SLC6A19: variants seen among roughly 807,000 people sequenced by gnomAD.
SLC6A19 encodes the protein sodium-dependent neutral amino acid transporter B(0)AT1.
Under a neutral mutation model 68.3 loss-of-function variants are expected in SLC6A19, and 67 were observed. The ratio of observed to expected loss-of-function variants is 0.98; its 90% confidence interval spans 0.81 to 1.20. SLC6A19 has a LOEUF of 1.20. Ranked by LOEUF, SLC6A19 falls within the 50% of genes most tolerant of loss-of-function variation. The pLI is 0.00. For synonymous variants in SLC6A19, 392 were observed against 374.9 expected (o/e 1.05, Z -0.53); for missense variants, 813 against 851.6 (o/e 0.95, Z 0.56).
chr5:1,216,948 A>G lies in SLC6A19; in HGVS notation c.1173+3A>G. The G allele has an allele frequency of 1.2e-6, 2 of 1,612,510 alleles. No homozygotes were observed. The highest frequency in any genetic ancestry group is 1.7e-6 in the Non-Finnish European group (2 of 1,179,976). ...ACATCAACGCCTTCCTCTCAGAGGTAGGTCCATTCCGGAGCTCGAGGCAGG... is the reference window on the plus strand; with the variant it reads ...ACATCAACGCCTTCCTCTCAGAGGTGGGTCCATTCCGGAGCTCGAGGCAGG... On this transcript the variant is annotated splice_donor_region_variant and intron_variant, in intron 8 of 11. Transcript: ENST00000304460.
intron 1 of SLC6A19, among the ~76,000 whole-genome samples, chr5:1,202,469 A>T (rs934163737): frequency 6.6e-6 from 1 of 152,202 alleles, no homozygotes; most frequent in South Asian, 2.1e-4. Context: ...GCTGGCACAG[A>T]GGTGACATTT....
rs1174836133 is a variant in SLC6A19, at chr5:1,212,906, TG to T, written c.663+425del. Among the ~76,000 whole-genome samples, 3 of 151,998 alleles carry T rather than the reference TG, an allele frequency of 2.0e-5. 1 individual carries two copies. Among genetic ancestry groups the T allele is most frequent in the Non-Finnish European group, 4.4e-5 (3 of 67,970 alleles). On this transcript the variant is annotated intron_variant, in intron 4 of 11. Coordinates refer to ENST00000304460, the MANE Select transcript of SLC6A19 (RefSeq NM_001003841.3). The surrounding 1 kb of genome is among the most constrained non-coding windows in gnomAD (Gnocchi z 5.1). ...CAGAGCGGCCATCCCTTTCTTCTGG[TG>T]GGCCGGCAGCCTGTGAGGCCCTGTC...
Position 1,216,889 on chromosome 5 carries a change from G to A in SLC6A19, c.1117G>A (p.Ala373Thr), listed in dbSNP as rs775834401. The A allele has an allele frequency of 1.2e-4, 195 of 1,613,630 alleles. No homozygotes were observed. In the East Asian group the frequency reaches 1.8e-3, roughly 15 times the overall value. The change falls in exon 8 of 12, where the codon GCG becomes ACG. Residue 373 changes from alanine (A) to threonine (T), a missense_variant. Ala to Thr is a moderately conservative substitution (Grantham distance 58). Coordinates refer to ENST00000304460, the MANE Select transcript of SLC6A19 (RefSeq NM_001003841.3). ...MQQRCNASDP[A>T]AYAQLVFQTC... is the part of the protein sequence containing the mutation. Reference sequence around the variant, plus strand: ...GCAGCGGTGCAACGCCTCCGACCCCGCGGCCTACGCGCAGCTGGTGTTCCA... The same window carrying A: ...GCAGCGGTGCAACGCCTCCGACCCCACGGCCTACGCGCAGCTGGTGTTCCA...
Position 1,211,117 on chromosome 5 carries a change from A to G in SLC6A19, c.481+536A>G, listed in dbSNP as rs566631404. ...GTCCTGGGGCCTGAACGGCTTGGTC[A>G]CCACCGGCTTCTGGTCCGACCAGCA... On this transcript the variant is annotated intron_variant, in intron 3 of 11. Coordinates refer to ENST00000304460, the MANE Select transcript of SLC6A19 (RefSeq NM_001003841.3). Among the ~76,000 whole-genome samples, 12 of 152,276 alleles carry G rather than the reference A, an allele frequency of 7.9e-5. 1 individual carries two copies. In the South Asian group the frequency reaches 2.5e-3, roughly 32 times the overall value.
At chr5:1,213,791 G>A (rs978419057) in intron 5 of SLC6A19, among the ~76,000 whole-genome samples, 162 bp from the exon 6 acceptor site, 8 of 151,968 alleles carry the variant, frequency 5.3e-5, no homozygotes, top group South Asian at 2.1e-4. Context: ...GTGAGCCGAC[G>A]GAGCCCCCAC....
At chr5:1,206,298 G>A (rs1057355524) in intron 1 of SLC6A19, among the ~76,000 whole-genome samples, 216 of 139,580 alleles carry the variant, frequency 1.5e-3, no homozygotes, top group African/African-American at 7.0e-3. Context: ...CTCTGTTTCT[G>A]TCTGTGTGTG....
intron 1 of SLC6A19, among the ~76,000 whole-genome samples, chr5:1,203,917 GA>G (rs2126490893): frequency 6.6e-6 from 1 of 152,316 alleles, no homozygotes; most frequent in Non-Finnish European, 1.5e-5. Flanking sequence ...AGCTTTCAGG[GA>G]GGCAGCTGAA....
intron 1 of SLC6A19, among the ~76,000 whole-genome samples, chr5:1,204,948 C>A (rs1035138391): frequency 6.6e-6 from 1 of 152,246 alleles, no homozygotes; most frequent in Non-Finnish European, 1.5e-5. Flanking sequence ...TGCGTGAGAA[C>A]TGCAGCTCCC....
At chr5:1,219,240 C>G (rs554965595) in intron 9 of SLC6A19, 133 bp downstream of exon 9, 2 of 982,946 alleles carry the variant, frequency 2.0e-6, no homozygotes, top group Non-Finnish European at 3.1e-6. Flanking sequence ...TGTCCCCGGC[C>G]GTGCGTGCAG....
chr5:1,206,165 C>G (rs78468802), intron 1 of SLC6A19, among the ~76,000 whole-genome samples: 11,576 of 152,232 alleles, frequency 0.076, 503 homozygotes, highest in East Asian at 0.12. Context: ...GGAGAGGGAG[C>G]AGTGAGAGAG....
At chr5:1,207,716 C>G (rs1222314023) in intron 1 of SLC6A19, among the ~76,000 whole-genome samples, 1 of 152,246 alleles carries the variant, frequency 6.6e-6, no homozygotes, top group Non-Finnish European at 1.5e-5. Context: ...AGTTGAAACA[C>G]TAAACGTGGC....
At position 1,219,637 on chromosome 5, in the gene SLC6A19, C is replaced by T. The variant is rs757533736; in HGVS notation, c.1511C>T (p.Ser504Phe). ...LLIIAFCEMFSVVYVYGVDRF... is the reference protein window; with the variant it reads ...LLIIAFCEMFFVVYVYGVDRF... ...ATCATCGCCTTCTGCGAGATGTTCTCTGTGGTCTACGTGTACGGTGTGGAC... is the reference window on the plus strand; with the variant it reads ...ATCATCGCCTTCTGCGAGATGTTCTTTGTGGTCTACGTGTACGGTGTGGAC... Residue 504 changes from serine (S) to phenylalanine (F), a missense_variant, in exon 10 of 12, where the codon TCT becomes TTT. Physicochemically the swap from Ser to Phe is radical, Grantham distance 155. Transcript: ENST00000304460. 1.0e-5 allele frequency: 16 copies of T among 1,607,468 alleles called. No individual in the cohort carries two copies. The highest frequency in any genetic ancestry group is 1.3e-5 in the African/African-American group (1 of 74,944).
intron 1 of SLC6A19, among the ~76,000 whole-genome samples, chr5:1,202,427 T>C (rs143894135): frequency 1.5e-4 from 23 of 152,302 alleles, no homozygotes; most frequent in Non-Finnish European, 3.1e-4. Context: ...CTCGTTCCTC[T>C]GGCTCCTGCG....
intron 10 of SLC6A19, among the ~76,000 whole-genome samples, chr5:1,220,129 G>C (rs1561169599): frequency 6.6e-6 from 1 of 152,136 alleles, no homozygotes; most frequent in Non-Finnish European, 1.5e-5. Context: ...ATCAGACAAG[G>C]CCGGGCACGG....
intron 2 of SLC6A19, among the ~76,000 whole-genome samples, chr5:1,210,189 AGGAAGGTGTGAGCCG>A (rs974305343): frequency 6.6e-5 from 10 of 152,224 alleles, no homozygotes; most frequent in African/African-American, 2.4e-4. Flanking sequence ...GGCATGTGCC[AGGAAGGTGTGAGCCG>A]GGAAGGCGTG....
Position 1,212,470 on chromosome 5 carries a change from G to T in SLC6A19, c.649G>T (p.Glu217Ter). 6.2e-7 allele frequency: 1 copy of T among 1,607,762 alleles called. No homozygotes were observed. Among genetic ancestry groups the T allele is most frequent in the South Asian group, 1.1e-5 (1 of 91,064 alleles). The change falls in exon 4 of 12, where the codon GAG becomes TAG. Residue 217 changes from glutamate (E) to a stop codon, truncating the protein, a stop_gained. Coordinates refer to ENST00000304460, the MANE Select transcript of SLC6A19 (RefSeq NM_001003841.3). LOFTEE classifies it high-confidence loss of function. The surrounding 1 kb of genome is among the most constrained non-coding windows in gnomAD (Gnocchi z 5.1). The stretch of plus-strand genomic sequence containing the variant: ...GTACATGTGCACCATCCGCGGCATC[G>T]AGACCACCGGGAAGGTACTGCATGG... ...VLYMCTIRGI[E>*]TTGKAVYITS...
At position 1,210,546 on chromosome 5, in the gene SLC6A19, C is replaced by T. The variant is rs778015723; in HGVS notation, c.446C>T (p.Pro149Leu). ...TTCAACTCCTTCCAGGAGCCTCTGC[C>T]CTGGAGCGACTGCCCGCTCAACGAG... ...YLFNSFQEPLPWSDCPLNENQ... is the reference protein window; with the variant it reads ...YLFNSFQEPLLWSDCPLNENQ... The change falls in exon 3 of 12, where the codon CCC becomes CTC. Residue 149 changes from proline to leucine, a missense_variant. Transcript: ENST00000304460. 10 of 1,613,186 alleles carry T rather than the reference C, an allele frequency of 6.2e-6. No individual in the cohort carries two copies. In the South Asian group the frequency reaches 1.1e-4, roughly 18 times the overall value.
chr5:1,211,106 A>C (rs899164984), intron 3 of SLC6A19, among the ~76,000 whole-genome samples: 10 of 152,156 alleles, frequency 6.6e-5, no homozygotes, highest in African/African-American at 2.4e-4. Context: ...TGGGGCCTGA[A>C]CGGCTTGGTC....
chr5:1,219,624 T>G lies in SLC6A19; in HGVS notation c.1498T>G (p.Cys500Gly). Reference protein sequence around the residue: ...GSIPLLIIAFCEMFSVVYVYG... With the variant: ...GSIPLLIIAFGEMFSVVYVYG... ...CATTCCCCTGCTCATCATCGCCTTC[T>G]GCGAGATGTTCTCTGTGGTCTACGT... Residue 500 changes from cysteine to glycine, a missense_variant, in exon 10 of 12, where the codon TGC becomes GGC. Cys to Gly is a radical substitution (Grantham distance 159, BLOSUM62 -3). Transcript: ENST00000304460. 1 of 1,609,194 alleles carries G rather than the reference T, an allele frequency of 6.2e-7. No homozygotes were observed. Among genetic ancestry groups the G allele is most frequent in the South Asian group, 1.1e-5 (1 of 91,084 alleles).
Sources: allele counts gnomAD v4.1 joint callset (sites outside exome capture counted in the v4.1 genomes callset), GRCh38; gene constraint gnomAD v4.1.1; non-coding constraint Gnocchi (gnomAD v3.1); transcripts MANE v1.5; gene names NCBI Gene and HGNC (gene_info 2026-07-23, HGNC 2026-07-21).